TASOR2: variants seen among roughly 807,000 people sequenced by gnomAD.
TASOR2 encodes protein TASOR 2.
TASOR2 carries 84 observed loss-of-function variants against 199.5 expected under a neutral mutation model. The ratio of observed to expected loss-of-function variants is 0.42; its 90% CI spans 0.35 to 0.50. The LOEUF is 0.50. TASOR2 is among the 20% of genes least tolerant of loss of function. The probability of loss-of-function intolerance (pLI) is 0.02; values close to 1 mark genes in which losing one functional copy is unlikely to be tolerated. For missense variants in TASOR2, 2,796 were observed against 2,835.9 expected, an observed-to-expected ratio of 0.99 and a Z score of 0.32; for synonymous variants, 1,103 against 1,046.6, an observed-to-expected ratio of 1.05 and a Z score of -1.04.
Position 5,740,038 on chromosome 10 carries a change from G to A in TASOR2, c.1868G>A (p.Cys623Tyr), listed in dbSNP as rs1335803167. The A allele has an allele frequency of 6.2e-7, 1 of 1,614,072 alleles. No individual in the cohort carries two copies. Among genetic ancestry groups the A allele is most frequent in the African/African-American group, 1.3e-5 (1 of 75,050 alleles). ...CAAGATGAAGAAAGCTTGGTTCCTT[G>A]TAGTCAGGCCCCTGCTAAAGCCCAG... is the stretch of plus-strand genomic sequence containing the variant. The change falls in exon 13 of 21, where the codon TGT becomes TAT. Residue 623 changes from cysteine to tyrosine, a missense_variant. By Grantham distance (194) the Cys-to-Tyr change is radical. This residue lies in a region of TASOR2 where 847 missense variants were observed against 887.4 expected (regional missense o/e 0.95). Coordinates refer to ENST00000328090, the Ensembl canonical transcript of TASOR2. The surrounding 1 kb of genome is among the most constrained non-coding windows in gnomAD (Gnocchi z 5.3).
chr10:5,695,984 A>C (rs1408948186), intron 1 of TASOR2, among the ~76,000 whole-genome samples: 1 of 152,170 alleles, frequency 6.6e-6, no homozygotes, highest in Non-Finnish European at 1.5e-5. Context: ...ACTCCCACAC[A>C]CCCAGACAAC....
chr10:5,718,190 C>T (rs991546078), intron 3 of TASOR2, among the ~76,000 whole-genome samples: 3 of 151,966 alleles, frequency 2.0e-5, no homozygotes, highest in African/African-American at 7.2e-5. Flanking sequence ...CTGATGATGC[C>T]ACAAATCCTT....
intron 1 of TASOR2, among the ~76,000 whole-genome samples, chr10:5,705,285 T>C (rs753512436): frequency 7.9e-5 from 12 of 152,220 alleles, no homozygotes; most frequent in Non-Finnish European, 1.3e-4. Context: ...TCTGATGACT[T>C]TTGCCCAGTT....
At chr10:5,696,895 G>T (rs1017306353) in intron 1 of TASOR2, among the ~76,000 whole-genome samples, 1 of 152,074 alleles carries the variant, frequency 6.6e-6, no homozygotes, top group African/African-American at 2.4e-5. Flanking sequence ...TGCGACAGAA[G>T]AAATTTCTTA....
At chr10:5,759,760 G>A (rs1483072679) in intron 18 of TASOR2, among the ~76,000 whole-genome samples, 1 of 152,242 alleles carries the variant, frequency 6.6e-6, no homozygotes, top group African/African-American at 2.4e-5. Flanking sequence ...TGTGACCTTT[G>A]AGGAACAGAA....
chr10:5,724,999 A>G (rs1186588002), intron 8 of TASOR2, among the ~76,000 whole-genome samples: 1 of 152,126 alleles, frequency 6.6e-6, no homozygotes, highest in Non-Finnish European at 1.5e-5. Flanking sequence ...ATTATGCTAT[A>G]CTTGAGTACT....
intron 11 of TASOR2, 96 bp downstream of exon 12, chr10:5,731,299 T>A: frequency 8.6e-7 from 1 of 1,162,144 alleles, no homozygotes; most frequent in Non-Finnish European, 1.2e-6. Flanking sequence ...GGAAACCAAG[T>A]GGGTGGATCA....
At chr10:5,723,887 C>CTTT in intron 7 of TASOR2, 110 bp downstream of exon 8, 1 of 565,298 alleles carries the variant, frequency 1.8e-6, no homozygotes, top group Non-Finnish European at 2.9e-6. Context: ...ATAAGTGACT[C>CTTT]TTAAAAGAGT....
At chr10:5,694,440 C>T (rs2131500810) in intron 1 of TASOR2, among the ~76,000 whole-genome samples, 2 of 152,220 alleles carry the variant, frequency 1.3e-5, no homozygotes, top group Admixed American at 1.3e-4. Context: ...AAGGACAAAG[C>T]CCTGTATTCA....
rs763298896 is a variant in TASOR2, at chr10:5,757,550, C to T, written c.6763C>T (p.Pro2255Ser). ...TTCTTTGCTGAAGCTGAAGCATTTC[C>T]CCAGTGTCATCTTTGCTGGAGTAGA... The change falls in exon 17 of 21, where the codon CCC (proline) becomes TCC (serine). Residue 2255 changes from proline to serine, a missense_variant. This residue lies in a region of TASOR2 where 1,941 missense variants were observed against 1,924.9 expected (regional missense o/e 1.01). Transcript: ENST00000328090. The T allele has an allele frequency of 2.5e-6, 4 of 1,609,966 alleles. No individual in the cohort carries two copies. The highest frequency in any genetic ancestry group is 3.4e-6 in the Non-Finnish European group (4 of 1,178,688).
chr10:5,755,265 G>A (rs1023248496), intron 15 of TASOR2, among the ~76,000 whole-genome samples: 2 of 151,914 alleles, frequency 1.3e-5, no homozygotes, highest in African/African-American at 4.8e-5. Flanking sequence ...GAAATAGTCA[G>A]AATTTGAGTT....
chr10:5,751,418 A>G lies in TASOR2; in HGVS notation c.6606+1391A>G, dbSNP rs1838021288. ...GCTTTCCCTTATTTTCCATTCATCT[A>G]TTCATTTGCTTATCTGTATCACTAT... On this transcript the variant is annotated intron_variant, in intron 15 of 20. Transcript: ENST00000328090. This position sits in a 1 kb window ranked among gnomAD's most constrained non-coding sequence, Gnocchi z 5.3. 6.6e-6 allele frequency among the ~76,000 whole-genome samples: 1 copy of G among 152,136 alleles called. No individual in the cohort carries two copies. Among genetic ancestry groups the G allele is most frequent in the African/African-American group, 2.4e-5 (1 of 41,426 alleles).
chr10:5,743,574 T>G (rs956633096), intron 14 of TASOR2, among the ~76,000 whole-genome samples: 10 of 150,180 alleles, frequency 6.7e-5, no homozygotes, highest in Admixed American at 5.9e-4. Flanking sequence ...TGTATGTGCT[T>G]TTTTTTTCCC....
In TASOR2 at chr10:5,747,904, C is replaced by T. The variant is rs201249771; in HGVS notation, c.4483C>T (p.Leu1495Phe). Residue 1495 changes from leucine (L) to phenylalanine (F), a missense_variant, in exon 15 of 21, where the codon CTT (leucine) becomes TTT (phenylalanine). Coordinates refer to ENST00000328090, the Ensembl canonical transcript of TASOR2. ...TCCAGGAAGAACAGGTAGACCAACCCTTCCTGGTAAAGTAACTGAGGAAAT... is the reference window on the plus strand; with the variant it reads ...TCCAGGAAGAACAGGTAGACCAACCTTTCCTGGTAAAGTAACTGAGGAAAT... 578 of 1,613,652 alleles carry T rather than the reference C, an allele frequency of 3.6e-4. 1 individual carries two copies. The highest frequency in any genetic ancestry group is 8.2e-4 in the Middle Eastern group (5 of 6,084).
Position 5,748,307 on chromosome 10 carries a change from T to C in TASOR2, c.4886T>C (p.Ile1629Thr). 1.2e-6 allele frequency: 2 copies of C among 1,614,214 alleles called. No individual in the cohort carries two copies. Among genetic ancestry groups the C allele is most frequent in the Non-Finnish European group, 1.7e-6 (2 of 1,180,028 alleles). The stretch of plus-strand genomic sequence containing the variant: ...GGTGATTTGAAAACAGATGAAGGCA[T>C]TTATCTGCAGGTGAAGTCCTTGACA... The change falls in exon 15 of 21, where the codon ATT becomes ACT. Residue 1629 changes from isoleucine (I) to threonine (T), a missense_variant. This residue lies in a region of TASOR2 where 1,941 missense variants were observed against 1,924.9 expected (regional missense o/e 1.01). Transcript: ENST00000328090. This position sits in a 1 kb window ranked among gnomAD's most constrained non-coding sequence, Gnocchi z 5.1.
intron 1 of TASOR2, among the ~76,000 whole-genome samples, chr10:5,688,955 A>C (rs1836110695): frequency 6.6e-6 from 1 of 152,152 alleles, no homozygotes; most frequent in Non-Finnish European, 1.5e-5. Context: ...GTGAGCCATC[A>C]TCATGCCACT....
At position 5,730,910 on chromosome 10, in the gene TASOR2, CTCCAGA is replaced by C; in HGVS notation, c.915_920del (p.Asp306_Pro307del). 6.2e-7 allele frequency: 1 copy of C among 1,614,178 alleles called. No homozygotes were observed. The highest frequency in any genetic ancestry group is 8.5e-7 in the Non-Finnish European group (1 of 1,180,048). ...GATGCTGGATTTTCCTTAGTTATGA[CTCCAGA>C]TCCTGAATTTCTTGTCTCAGAGGCA... On this transcript the variant is annotated inframe_deletion, in exon 11 of 21. Transcript: ENST00000328090. The surrounding 1 kb of genome is among the most constrained non-coding windows in gnomAD (Gnocchi z 4.1).
chr10:5,734,825 T>A (rs1159647878), intron 11 of TASOR2, among the ~76,000 whole-genome samples: 3 of 141,982 alleles, frequency 2.1e-5, no homozygotes, highest in African/African-American at 7.8e-5. Flanking sequence ...GCCTCTCGAA[T>A]AGCTGGGACT....
At chr10:5,693,415 T>A (rs1836735998) in intron 1 of TASOR2, among the ~76,000 whole-genome samples, 1 of 152,282 alleles carries the variant, frequency 6.6e-6, no homozygotes, top group Admixed American at 6.5e-5. Context: ...TTTAAACTCG[T>A]ATGTGGCAAG....
Sources: allele counts gnomAD v4.1 joint callset (sites outside exome capture counted in the v4.1 genomes callset), GRCh38; gene constraint gnomAD v4.1.1; regional missense constraint gnomAD v4.1.1; non-coding constraint Gnocchi (gnomAD v3.1); transcripts MANE v1.5; gene names NCBI Gene and HGNC (gene_info 2026-07-23, HGNC 2026-07-21).